RAB11FIP4: variants seen among roughly 807,000 people sequenced by gnomAD.
RAB11FIP4 encodes rab11 family-interacting protein 4.
In RAB11FIP4, 23 loss-of-function variants were observed where a neutral mutation model predicts 74.3. The ratio of observed to expected loss-of-function variants is 0.31; its 90% CI spans 0.22 to 0.44. The LOEUF (loss-of-function observed/expected upper bound fraction) is 0.44. Among genes scored for constraint, RAB11FIP4 ranks in the 20% least tolerant of loss-of-function variants. The pLI, the probability that RAB11FIP4 is intolerant of heterozygous loss-of-function variation, is 1.00. For missense variants in RAB11FIP4, 630 were observed against 863.9 expected, an observed-to-expected ratio of 0.73 and a Z score of 3.39; for synonymous variants, 360 against 359.9, an observed-to-expected ratio of 1.00 and a Z score of 0.00.
At position 31,391,948 on chromosome 17, in the gene RAB11FIP4, C is replaced by A; in HGVS notation, c.96C>A (p.Pro32=). 1 of 1,385,050 alleles carries A rather than the reference C, an allele frequency of 7.2e-7. No homozygotes were observed. Among genetic ancestry groups the A allele is most frequent in the Non-Finnish European group, 9.4e-7 (1 of 1,065,692 alleles). 85.8% of individuals were successfully genotyped at this position (1,385,050 alleles called of 1,614,324 possible). Residue 32 remains proline, a synonymous_variant, in exon 1 of 15, where the codon CCC becomes CCA. Coordinates refer to ENST00000621161, the MANE Select transcript of RAB11FIP4 (RefSeq NM_032932.6). ...REVFEVCGRD[P]DGFLRVERVA... Reference sequence around the variant, plus strand: ...TGTTCGAGGTGTGCGGCCGCGACCCCGACGGCTTCCTGCGCGTGGAGCGCG... The same window carrying A: ...TGTTCGAGGTGTGCGGCCGCGACCCAGACGGCTTCCTGCGCGTGGAGCGCG...
At chr17:31,469,237 C>T (rs2071715362) in intron 3 of RAB11FIP4, among the ~76,000 whole-genome samples, 1 of 152,158 alleles carries the variant, frequency 6.6e-6, no homozygotes, top group Non-Finnish European at 1.5e-5. Flanking sequence ...CACTGGGGAA[C>T]CAATGGCCCC....
At chr17:31,510,585 G>T (rs1477940082) in intron 3 of RAB11FIP4, among the ~76,000 whole-genome samples, 1 of 151,590 alleles carries the variant, frequency 6.6e-6, no homozygotes, top group Non-Finnish European at 1.5e-5. Flanking sequence ...TCCCCAGGCA[G>T]CATCTCATCT....
At chr17:31,516,107 T>G (rs1407784415) in intron 3 of RAB11FIP4, among the ~76,000 whole-genome samples, 1 of 152,132 alleles carries the variant, frequency 6.6e-6, no homozygotes, top group Non-Finnish European at 1.5e-5. Context: ...ATACCTCATT[T>G]AATCAGCACA....
intron 3 of RAB11FIP4, among the ~76,000 whole-genome samples, chr17:31,461,646 T>A (rs2071634771): frequency 6.6e-6 from 1 of 151,230 alleles, no homozygotes. Flanking sequence ...GATCTCAAAC[T>A]CCCAATGTCA....
chr17:31,417,339 T>A (rs563936865), intron 1 of RAB11FIP4, among the ~76,000 whole-genome samples: 1 of 152,186 alleles, frequency 6.6e-6, no homozygotes, highest in Non-Finnish European at 1.5e-5. Context: ...TCCACGTGGG[T>A]TCAAAAGGCA....
intron 4 of RAB11FIP4, among the ~76,000 whole-genome samples, chr17:31,520,466 C>T (rs2072641583): frequency 6.6e-6 from 1 of 152,102 alleles, no homozygotes; most frequent in Admixed American, 6.6e-5. Flanking sequence ...ATGGCTACTA[C>T]AGAAGCAGAG....
intron 3 of RAB11FIP4, among the ~76,000 whole-genome samples, chr17:31,498,329 C>T (rs756320689): frequency 1.3e-5 from 2 of 152,312 alleles, no homozygotes; most frequent in East Asian, 1.9e-4. Flanking sequence ...TTCTGGAACA[C>T]GAAGCTTGGG....
chr17:31,488,009 G>T (rs2071930250), intron 3 of RAB11FIP4: 1 of 1,007,952 alleles, frequency 9.9e-7, no homozygotes. Context: ...CCGAGTCCCG[G>T]GGCCCAGGCG....
rs531692015 is a variant in RAB11FIP4, at chr17:31,437,121, GT to G, written c.336+3001del. 2.2e-3 allele frequency among the ~76,000 whole-genome samples: 335 copies of G among 152,240 alleles called. 2 individuals carry two copies. Among genetic ancestry groups the G allele is most frequent in the African/African-American group, 7.1e-3 (297 of 41,546 alleles). On this transcript the variant is annotated intron_variant, in intron 3 of 14. Transcript: ENST00000621161. ...TCCATGGAGGTCTGGCCCCGGCTTG[GT>G]TGGCCAGAGCCTAGTGAGATGGCGG...
chr17:31,488,975 C>A (rs1231654484), intron 3 of RAB11FIP4, among the ~76,000 whole-genome samples: 1 of 152,226 alleles, frequency 6.6e-6, no homozygotes, highest in Non-Finnish European at 1.5e-5. Flanking sequence ...CCCTACTCCT[C>A]GCCCATGCAA....
intron 13 of RAB11FIP4, among the ~76,000 whole-genome samples, chr17:31,529,394 T>A (rs1013185139): frequency 6.6e-6 from 1 of 151,988 alleles, no homozygotes; most frequent in Non-Finnish European, 1.5e-5. Flanking sequence ...TCTCGAGCAG[T>A]TAGGACTACA....
intron 3 of RAB11FIP4, among the ~76,000 whole-genome samples, chr17:31,517,194 G>GGGC (rs1555549983): frequency 1.7e-5 from 1 of 58,776 alleles, no homozygotes; most frequent in Non-Finnish European, 3.1e-5. Context: ...GGCGGTGCGG[G>GGGC]GGGGGGGGCG....
rs1330955595 is a variant in RAB11FIP4 at position 31,434,039 on chromosome 17, G to A, written c.253G>A (p.Glu85Lys). The change falls in exon 3 of 15, where the codon GAG (glutamate) becomes AAG (lysine). Residue 85 changes from glutamate (E) to lysine (K), a missense_variant. By Grantham distance (56) the Glu-to-Lys change is moderately conservative. Coordinates refer to ENST00000621161, the MANE Select transcript of RAB11FIP4 (RefSeq NM_032932.6). ...GTGTCTGCCTGTCTGCGCAGGGTGCGAGGAGCTGCTGAAGGATGTGCTGTC... is the reference window on the plus strand; with the variant it reads ...GTGTCTGCCTGTCTGCGCAGGGTGCAAGGAGCTGCTGAAGGATGTGCTGTC... ...CRGVFAMKGC[E>K]ELLKDVLSVE... 9 of 1,582,566 alleles carry A rather than the reference G, an allele frequency of 5.7e-6. 1 individual carries two copies. In the Admixed American group the frequency reaches 9.0e-5, roughly 16 times the overall value.
chr17:31,490,259 G>A (rs2071982688), intron 3 of RAB11FIP4, among the ~76,000 whole-genome samples: 2 of 152,090 alleles, frequency 1.3e-5, no homozygotes, highest in Admixed American at 6.5e-5. Flanking sequence ...TTTCTCTTTG[G>A]CCGTTCACCT....
At chr17:31,454,082 C>A (rs2071554812) in intron 3 of RAB11FIP4, among the ~76,000 whole-genome samples, 1 of 152,104 alleles carries the variant, frequency 6.6e-6, no homozygotes, top group Non-Finnish European at 1.5e-5. Context: ...TTGAGCCCAC[C>A]CCTTTGTCAG....
chr17:31,463,128 T>C (rs1188831043), intron 3 of RAB11FIP4, among the ~76,000 whole-genome samples: 1 of 152,104 alleles, frequency 6.6e-6, no homozygotes, highest in Non-Finnish European at 1.5e-5. Flanking sequence ...CGTTAACACA[T>C]TGTAACCACC....
chr17:31,531,650 A>G lies in RAB11FIP4; in HGVS notation c.1832A>G (p.Asn611Ser). Reference sequence around the variant, plus strand: ...GCCCTGAAGGAGCAGGAGGAGATCAACTTCCGGCTGAGGCAGTACATGGAC... The same window carrying G: ...GCCCTGAAGGAGCAGGAGGAGATCAGCTTCCGGCTGAGGCAGTACATGGAC... ...MEALKEQEEINFRLRQYMDKI... is the reference protein window; with the variant it reads ...MEALKEQEEISFRLRQYMDKI... Residue 611 changes from asparagine (N) to serine (S), a missense_variant, in exon 15 of 15, where the codon AAC becomes AGC. Coordinates refer to ENST00000621161, the MANE Select transcript of RAB11FIP4 (RefSeq NM_032932.6). 6.2e-7 allele frequency: 1 copy of G among 1,614,012 alleles called. No individual in the cohort carries two copies.
intron 3 of RAB11FIP4, among the ~76,000 whole-genome samples, chr17:31,460,465 C>T (rs1288493659): frequency 6.6e-6 from 1 of 152,130 alleles, no homozygotes; most frequent in Non-Finnish European, 1.5e-5. Flanking sequence ...CTAATGTACT[C>T]CTCAGTCTTG....
At chr17:31,450,317 C>T (rs973674552) in intron 3 of RAB11FIP4, among the ~76,000 whole-genome samples, 1 of 125,002 alleles carries the variant, frequency 8.0e-6, no homozygotes, top group East Asian at 2.5e-4. Context: ...CCCCCGCCAC[C>T]GGCTTTATTA....
Sources: allele counts gnomAD v4.1 joint callset (sites outside exome capture counted in the v4.1 genomes callset), GRCh38; gene constraint gnomAD v4.1.1; transcripts MANE v1.5; gene names NCBI Gene and HGNC (gene_info 2026-07-23, HGNC 2026-07-21).